Variants in VWA3B observed in about 807,000 individuals in gnomAD.
VWA3B encodes von Willebrand factor A domain-containing protein 3B.
Under a neutral mutation model 158.3 loss-of-function variants are expected in VWA3B, and 138 were observed. The observed-to-expected ratio is 0.87, with a 90% CI of 0.76 to 1.00. The LOEUF is 1.00. VWA3B is among the 50% of genes least tolerant of loss of function. The pLI, the probability that VWA3B is intolerant of heterozygous loss-of-function variation, is 0.00. For synonymous variants in VWA3B, 596 were observed against 587.3 expected, an observed-to-expected ratio of 1.01 and a Z score of -0.21; for missense variants, 1,555 against 1,565.1, an observed-to-expected ratio of 0.99 and a Z score of 0.11.
intron 13 of VWA3B, among the ~76,000 whole-genome samples, chr2:98,214,709 A>G (rs190778041): frequency 1.4e-4 from 22 of 152,292 alleles, no homozygotes; most frequent in Admixed American, 1.3e-3. Flanking sequence ...GAGCGTCCTC[A>G]TTCTCTTCTA....
chr2:98,265,201 A>T (rs1435399461), intron 21 of VWA3B, among the ~76,000 whole-genome samples: 4 of 29,128 alleles, frequency 1.4e-4, no homozygotes, highest in African/African-American at 2.5e-4. Flanking sequence ...GCCTCCCCCC[A>T]CCCCACAACA....
At chr2:98,172,781 G>T (rs1679705987) in intron 8 of VWA3B, among the ~76,000 whole-genome samples, 2 of 152,212 alleles carry the variant, frequency 1.3e-5, no homozygotes, top group Non-Finnish European at 2.9e-5. Flanking sequence ...GGTGGGGAAT[G>T]ACACATTTTG....
rs749925284 is a variant in VWA3B, at chr2:98,300,116, A to G, written c.3320A>G (p.Lys1107Arg). Residue 1107 changes from lysine (K) to arginine (R), a missense_variant, in exon 25 of 28, where the codon AAA (lysine) becomes AGA (arginine). Lys to Arg is a conservative substitution (Grantham distance 26, BLOSUM62 2). Coordinates refer to ENST00000477737, the MANE Select transcript of VWA3B (RefSeq NM_144992.5). ...DYVFAKIVIP[K>R]GFDFYVPAIV... Reference sequence around the variant, plus strand: ...GTGTTTGCCAAAATTGTGATACCCAAAGGATTTGACTTCTATGTCCCTGCC... The same window carrying G: ...GTGTTTGCCAAAATTGTGATACCCAGAGGATTTGACTTCTATGTCCCTGCC... The G allele has an allele frequency of 2.5e-6, 4 of 1,614,230 alleles. No individual in the cohort carries two copies. Among genetic ancestry groups the G allele is most frequent in the Non-Finnish European group, 2.5e-6 (3 of 1,180,052 alleles).
intron 15 of VWA3B, among the ~76,000 whole-genome samples, chr2:98,229,444 G>A (rs1685174643): frequency 6.6e-6 from 1 of 152,200 alleles, no homozygotes; most frequent in Non-Finnish European, 1.5e-5. Flanking sequence ...AATTGCTCTG[G>A]AAGTTTTCCT....
At chr2:98,105,481 G>C (rs1673570328) in intron 2 of VWA3B, among the ~76,000 whole-genome samples, 1 of 152,118 alleles carries the variant, frequency 6.6e-6, no homozygotes, top group Non-Finnish European at 1.5e-5. Context: ...AGAGAGAACT[G>C]TTTATCACCA....
chr2:98,130,388 T>A (rs1206515123), intron 6 of VWA3B, among the ~76,000 whole-genome samples: 1 of 152,124 alleles, frequency 6.6e-6, no homozygotes, highest in Non-Finnish European at 1.5e-5. Context: ...CCTTCCTCTT[T>A]TACTAATCCT....
intron 6 of VWA3B, among the ~76,000 whole-genome samples, chr2:98,130,188 A>G (rs1675749767): frequency 6.6e-6 from 1 of 152,230 alleles, no homozygotes. Context: ...TTTGATGTGC[A>G]TATACATAAA....
At chr2:98,177,721 C>G (rs1453899784) in intron 8 of VWA3B, among the ~76,000 whole-genome samples, 1 of 152,118 alleles carries the variant, frequency 6.6e-6, no homozygotes, top group Non-Finnish European at 1.5e-5. Flanking sequence ...ATCCTGCCCT[C>G]AGGACTGCAC....
In VWA3B at chr2:98,230,123, A is replaced by G. The variant is rs751426628; in HGVS notation, c.2224A>G (p.Thr742Ala). ...CAKPQSDVDS[T>A]QTSSLNMLKG... Reference sequence around the variant, plus strand: ...AAAGCCTCAATCTGATGTCGATTCAACACAAACTTCATCTCTGAATATGTT... The same window carrying G: ...AAAGCCTCAATCTGATGTCGATTCAGCACAAACTTCATCTCTGAATATGTT... Residue 742 changes from threonine (T) to alanine (A), a missense_variant, in exon 16 of 28, where the codon ACA becomes GCA. Coordinates refer to ENST00000477737, the MANE Select transcript of VWA3B (RefSeq NM_144992.5). 9.3e-6 allele frequency: 15 copies of G among 1,611,782 alleles called. No individual in the cohort carries two copies. The African/African-American group carries it at 1.7e-4, about 19-fold the overall frequency.
intron 1 of VWA3B, among the ~76,000 whole-genome samples, chr2:98,091,057 T>G (rs1210157861): frequency 6.6e-6 from 1 of 152,172 alleles, no homozygotes; most frequent in African/African-American, 2.4e-5. Flanking sequence ...TCATTATCTT[T>G]AAAAGTTTGA....
chr2:98,120,324 C>A (rs1674865352), intron 4 of VWA3B, among the ~76,000 whole-genome samples: 2 of 152,194 alleles, frequency 1.3e-5, no homozygotes, highest in South Asian at 4.1e-4. Flanking sequence ...AGTTATTGCA[C>A]CTCCCTGACA....
At chr2:98,269,347 T>G (rs1266975106) in intron 21 of VWA3B, 1 of 152,138 alleles carries the variant, frequency 6.6e-6, no homozygotes, top group Non-Finnish European at 1.5e-5. Context: ...TTCAGGAGCC[T>G]GTAATATCTT....
At chr2:98,280,362 GA>G (rs954212432) in intron 22 of VWA3B, among the ~76,000 whole-genome samples, 1 of 150,896 alleles carries the variant, frequency 6.6e-6, no homozygotes, top group African/African-American at 2.4e-5. Flanking sequence ...GAGAGAGAGA[GA>G]AAAAAAACAC....
At position 98,298,050 on chromosome 2, in the gene VWA3B, G is replaced by A. The variant is rs764086210; in HGVS notation, c.3282+19G>A. ...GCTCCAGGTACCCAGTCCCTGATGT[G>A]TTCTGGGGCCCCTTTTCACCATCCA... is the stretch of plus-strand genomic sequence containing the variant. On this transcript the variant is annotated intron_variant, in intron 24 of 27. Transcript: ENST00000477737. 2.7e-6 allele frequency: 4 copies of A among 1,482,230 alleles called. No homozygotes were observed. The highest frequency in any genetic ancestry group is 2.8e-5 in the South Asian group (2 of 70,690). The allele number at this position is 1,482,230 out of a possible 1,614,324, so 91.8% of individuals were successfully genotyped here.
chr2:98,091,265 T>G (rs1480216856), intron 1 of VWA3B, among the ~76,000 whole-genome samples: 1 of 152,242 alleles, frequency 6.6e-6, no homozygotes, highest in African/African-American at 2.4e-5. Flanking sequence ...CTTTTCTCAC[T>G]GGCTGTGGCA....
At chr2:98,261,690 A>G (rs1351180191) in intron 21 of VWA3B, among the ~76,000 whole-genome samples, 1 of 151,622 alleles carries the variant, frequency 6.6e-6, no homozygotes, top group Admixed American at 6.6e-5. Context: ...TTCTTGACTG[A>G]CATATTTTTT....
intron 10 of VWA3B, among the ~76,000 whole-genome samples, chr2:98,190,919 T>C (rs996490133): frequency 1.3e-5 from 2 of 152,166 alleles, no homozygotes; most frequent in African/African-American, 4.8e-5. Context: ...TGGTCATATT[T>C]TCTCAAATAT....
chr2:98,171,972 C>CA (rs1211848783), intron 8 of VWA3B, among the ~76,000 whole-genome samples: 1 of 152,222 alleles, frequency 6.6e-6, no homozygotes, highest in Non-Finnish European at 1.5e-5. Context: ...TACAGATGGG[C>CA]AGGCTGTGGG....
intron 20 of VWA3B, among the ~76,000 whole-genome samples, chr2:98,254,034 A>C (rs1240373602): frequency 6.6e-6 from 1 of 152,176 alleles, no homozygotes; most frequent in Admixed American, 6.5e-5. Flanking sequence ...TATTTTCTAA[A>C]GAAGTGAATT....
Sources: allele counts gnomAD v4.1 joint callset (sites outside exome capture counted in the v4.1 genomes callset), GRCh38; gene constraint gnomAD v4.1.1; transcripts MANE v1.5; gene names NCBI Gene and HGNC (gene_info 2026-07-23, HGNC 2026-07-21).